The following BNC2 variants were observed in gnomAD, a reference collection of about 807,000 sequenced individuals.
BNC2 encodes the protein zinc finger protein basonuclin-2.
In BNC2, 20 loss-of-function variants were observed where a neutral mutation model predicts 76.3. That is an observed-to-expected ratio of 0.26 (90% CI 0.18 to 0.38). The LOEUF (loss-of-function observed/expected upper bound fraction) is 0.38. Among genes scored for constraint, BNC2 ranks in the 10% least tolerant of loss-of-function variants. BNC2 has a pLI of 1.00. For missense variants in BNC2, 1,382 were observed against 1,399.8 expected (o/e 0.99, Z 0.20); for synonymous variants, 582 against 514.8 (o/e 1.13, Z -1.77).
intron 5 of BNC2, among the ~76,000 whole-genome samples, chr9:16,526,072 A>G (rs1174496296): frequency 6.6e-6 from 1 of 152,142 alleles, no homozygotes; most frequent in Non-Finnish European, 1.5e-5. Context: ...TGATCTTTAT[A>G]AAGGTAAACT....
At chr9:16,633,681 C>T (rs777316323) in intron 3 of BNC2, among the ~76,000 whole-genome samples, 5 of 152,100 alleles carry the variant, frequency 3.3e-5, no homozygotes, top group South Asian at 2.1e-4. Flanking sequence ...TTAAGGTATC[C>T]GGAAATACAG....
chr9:16,790,020 G>C (rs1364114331), intron 1 of BNC2, among the ~76,000 whole-genome samples: 1 of 151,976 alleles, frequency 6.6e-6, no homozygotes, highest in Non-Finnish European at 1.5e-5. Flanking sequence ...TTTTTTTTGA[G>C]ATGGAGTCTC....
At chr9:16,779,971 T>C (rs1355243838) in intron 1 of BNC2, among the ~76,000 whole-genome samples, 3 of 151,708 alleles carry the variant, frequency 2.0e-5, no homozygotes, top group Non-Finnish European at 4.4e-5. Flanking sequence ...GCGTGGTGGC[T>C]CACGCCTGTG....
chr9:16,788,799 C>T (rs570245915), intron 1 of BNC2, among the ~76,000 whole-genome samples: 1 of 152,246 alleles, frequency 6.6e-6, no homozygotes, highest in Admixed American at 6.5e-5. Flanking sequence ...GGTTGACTTG[C>T]AGGACAATCC....
At position 16,832,379 on chromosome 9, in the gene BNC2, GT is replaced by G. The variant is rs944653447; in HGVS notation, c.3+38266del. On this transcript the variant is annotated intron_variant, in intron 1 of 6. Transcript: ENST00000380672. ...TGAAACAGAACAGAGAACACAATAT[GT>G]TTTGCCCAGTTTTAGAGGCCTAGAA... 4.4e-6 allele frequency: 5 copies of G among 1,129,270 alleles called. No individual in the cohort carries two copies. The Admixed American group carries it at 1.8e-4, about 40-fold the overall frequency. The allele number at this position is 1,129,270 out of a possible 1,614,324, so 70.0% of individuals were successfully genotyped here. A position where few individuals can be genotyped will look rare whatever the true frequency, so the allele number is the denominator to read the frequency against.
intron 3 of BNC2, among the ~76,000 whole-genome samples, chr9:16,721,986 G>A (rs960600563): frequency 1.3e-5 from 2 of 152,120 alleles, no homozygotes; most frequent in Non-Finnish European, 2.9e-5. Context: ...AGCTATTCAC[G>A]TTTACAAGGA....
intron 3 of BNC2, among the ~76,000 whole-genome samples, chr9:16,685,807 G>A (rs776808255): frequency 3.3e-5 from 5 of 152,148 alleles, no homozygotes; most frequent in South Asian, 2.1e-4. Context: ...ATGTAACAAA[G>A]TTTATTAACT....
chr9:16,779,938 T>G (rs1307597589), intron 1 of BNC2, among the ~76,000 whole-genome samples: 1 of 152,098 alleles, frequency 6.6e-6, no homozygotes, highest in African/African-American at 2.4e-5. Flanking sequence ...GACAATATAC[T>G]AAAAACTACT....
intron 3 of BNC2, among the ~76,000 whole-genome samples, chr9:16,598,604 T>A (rs2133265825): frequency 6.6e-6 from 1 of 152,306 alleles, no homozygotes; most frequent in East Asian, 1.9e-4. Context: ...TACCTTCTTC[T>A]AAGTCCACAT....
chr9:16,589,931 A>G (rs762687536), intron 3 of BNC2, among the ~76,000 whole-genome samples: 2 of 152,200 alleles, frequency 1.3e-5, no homozygotes, highest in Non-Finnish European at 2.9e-5. Flanking sequence ...CATGACCTAC[A>G]TTAATATTAA....
intron 5 of BNC2, among the ~76,000 whole-genome samples, chr9:16,477,291 C>G (rs1241206032): frequency 3.3e-5 from 5 of 152,004 alleles, no homozygotes; most frequent in Admixed American, 6.5e-5. Context: ...TATCATGCAG[C>G]TTCGGAATAC....
intron 1 of BNC2, among the ~76,000 whole-genome samples, chr9:16,741,163 G>A (rs915106246): frequency 2.0e-5 from 3 of 152,110 alleles, no homozygotes; most frequent in Admixed American, 6.5e-5. Context: ...AAAACATTGG[G>A]TCCAACTGGA....
chr9:16,521,744 T>C (rs974906336), intron 5 of BNC2, among the ~76,000 whole-genome samples: 5 of 152,182 alleles, frequency 3.3e-5, no homozygotes, highest in Admixed American at 1.3e-4. Flanking sequence ...TAAAACTCCA[T>C]ATCATGTTAA....
At position 16,672,822 on chromosome 9, in the gene BNC2, AAGCAATCTAAG is replaced by A. The variant is rs1266942790; in HGVS notation, c.330+54964_330+54974del. Among the ~76,000 whole-genome samples, 5 of 152,338 alleles carry A rather than the reference AAGCAATCTAAG, an allele frequency of 3.3e-5. No homozygotes were observed. The East Asian group carries it at 9.6e-4, about 29-fold the overall frequency. On this transcript the variant is annotated intron_variant, in intron 3 of 6. Transcript: ENST00000380672. ...AGTAAGAGAACACCATGGAGTAGTG[AAGCAATCTAAG>A]AGCAAGGTAAATAAAATCTACATCT...
intron 6 of BNC2, chr9:16,431,386 A>T (rs776201676): frequency 2.2e-6 from 1 of 445,818 alleles, no homozygotes; most frequent in South Asian, 1.6e-5. Flanking sequence ...AAATGATGAA[A>T]GGTAAATTAC....
chr9:16,868,014 A>C (rs1819584114), intron 1 of BNC2: 1 of 152,134 alleles, frequency 6.6e-6, no homozygotes, highest in Non-Finnish European at 1.5e-5. Context: ...GCCCAAGTGA[A>C]TCATATCCTG....
chr9:16,423,790 G>A (rs1820752858), intron 6 of BNC2, among the ~76,000 whole-genome samples: 3 of 152,142 alleles, frequency 2.0e-5, no homozygotes, highest in African/African-American at 7.2e-5. Flanking sequence ...GCTTGAAAAA[G>A]CCCTGTAACT....
chr9:16,546,075 A>G (rs1394991583), intron 5 of BNC2, among the ~76,000 whole-genome samples: 1 of 152,202 alleles, frequency 6.6e-6, no homozygotes, highest in African/African-American at 2.4e-5. Context: ...AACATTTGGC[A>G]TTGGTAGAGA....
At chr9:16,634,502 CT>C (rs544660364) in intron 3 of BNC2, among the ~76,000 whole-genome samples, 4,772 of 135,874 alleles carry the variant, frequency 0.035, 124 homozygotes, top group African/African-American at 0.088. Flanking sequence ...CTTCAAATAT[CT>C]TTTTTTTTTT....
Sources: gnomAD v4.1 joint callset for allele counts (sites outside exome capture counted in the v4.1 genomes callset) on GRCh38, gnomAD v4.1.1 for gene constraint, MANE v1.5 for transcripts, NCBI Gene and HGNC (gene_info 2026-07-23, HGNC 2026-07-21) for gene names.